Variants in SHISA9 observed in about 807,000 individuals in gnomAD.
The protein encoded by SHISA9 is shisa family member 9.
In SHISA9, 13 loss-of-function variants were observed where a neutral mutation model predicts 38.0. That is an observed-to-expected ratio of 0.34 (90% CI 0.22 to 0.54). SHISA9 has a LOEUF of 0.54. SHISA9 is among the 20% of genes least tolerant of loss of function. The pLI is 0.91. For missense variants in SHISA9, 538 were observed against 575.8 expected (o/e 0.93, Z 0.67); for synonymous variants, 275 against 242.0 (o/e 1.14, Z -1.27).
the SHISA9 span, among the ~76,000 whole-genome samples, chr16:13,334,805 A>C: frequency 1.5e-4 from 23 of 151,620 alleles, no homozygotes; most frequent in African/African-American, 5.3e-4. Context: ...TAAATGAACT[A>C]ATATAAATTC....
chr16:12,912,841 C>G (rs2071204187), intron 1 of SHISA9, among the ~76,000 whole-genome samples: 1 of 152,164 alleles, frequency 6.6e-6, no homozygotes, highest in African/African-American at 2.4e-5. Flanking sequence ...CTCGTTGGCC[C>G]TCTTCCAGTT....
chr16:13,305,601 A>G, the SHISA9 span, among the ~76,000 whole-genome samples: 192 of 152,282 alleles, frequency 1.3e-3, no homozygotes, highest in African/African-American at 4.0e-3. Context: ...TAAGGAACTG[A>G]TGATTCCAGC....
chr16:13,478,290 G>A, the SHISA9 span, among the ~76,000 whole-genome samples: 5 of 143,252 alleles, frequency 3.5e-5, no homozygotes, highest in South Asian at 2.2e-4. Context: ...TCACCTCTTA[G>A]TGCTGAGAGT....
intron 2 of SHISA9, among the ~76,000 whole-genome samples, chr16:13,088,561 A>G (rs2073739276): frequency 6.6e-6 from 1 of 152,072 alleles, no homozygotes; most frequent in South Asian, 2.1e-4. Context: ...TAGGTATTTT[A>G]TTCTCTTTGT....
intron 1 of SHISA9, among the ~76,000 whole-genome samples, chr16:12,914,204 C>G (rs1380231329): frequency 1.3e-5 from 2 of 151,782 alleles, no homozygotes; most frequent in African/African-American, 4.8e-5. Context: ...CTCCACCACG[C>G]CCGGCTAATT....
chr16:13,115,901 C>A (rs1330276474), intron 2 of SHISA9, among the ~76,000 whole-genome samples: 1 of 152,190 alleles, frequency 6.6e-6, no homozygotes, highest in Non-Finnish European at 1.5e-5. Context: ...AATACCTTCC[C>A]TTCTGATGAC....
chr16:13,160,295 T>C (rs565688179), intron 2 of SHISA9, among the ~76,000 whole-genome samples: 14 of 152,280 alleles, frequency 9.2e-5, no homozygotes, highest in Admixed American at 8.5e-4. Context: ...GCTTAGTTAA[T>C]AGTGCTTGAT....
the SHISA9 span, among the ~76,000 whole-genome samples, chr16:13,308,516 G>A: frequency 6.6e-6 from 1 of 152,148 alleles, no homozygotes; most frequent in African/African-American, 2.4e-5. Context: ...ATGAGCATGG[G>A]TCTCAGACAA....
chr16:12,943,326 TGTGTGAGAGAGAGAGAGAGAGAGA>T (rs2071644553), intron 2 of SHISA9, among the ~76,000 whole-genome samples: 3 of 19,976 alleles, frequency 1.5e-4, no homozygotes, highest in African/African-American at 4.0e-4. Context: ...TGTGTGTGTG[TGTGTGAGAGAGAGAGAGAGAGAGA>T]GAGAGAGAGA....
intron 2 of SHISA9, among the ~76,000 whole-genome samples, chr16:13,083,681 G>T (rs967734681): frequency 1.1e-4 from 16 of 152,160 alleles, no homozygotes; most frequent in Admixed American, 3.3e-4. Context: ...ACTATGGGCT[G>T]CTTGTGTTTG....
At chr16:13,181,150 T>C (rs1222979142) in intron 2 of SHISA9, among the ~76,000 whole-genome samples, 1 of 151,402 alleles carries the variant, frequency 6.6e-6, no homozygotes, top group Non-Finnish European at 1.5e-5. Flanking sequence ...ATGGGTTTTA[T>C]TGTTACCATT....
chr16:13,381,999 T>C, the SHISA9 span, among the ~76,000 whole-genome samples: 1 of 152,232 alleles, frequency 6.6e-6, no homozygotes, highest in South Asian at 2.1e-4. Flanking sequence ...ATATGAATTA[T>C]ACTTAAAATG....
At chr16:13,156,399 C>CGATAGG (rs2050547259) in intron 2 of SHISA9, among the ~76,000 whole-genome samples, 1 of 152,168 alleles carries the variant, frequency 6.6e-6, no homozygotes, top group Non-Finnish European at 1.5e-5. Flanking sequence ...GCACACAATC[C>CGATAGG]TGCCAACACT....
At chr16:13,113,363 A>G (rs540140795) in intron 2 of SHISA9, among the ~76,000 whole-genome samples, 5 of 152,274 alleles carry the variant, frequency 3.3e-5, no homozygotes, top group Non-Finnish European at 7.4e-5. Flanking sequence ...CTCTTTGGTA[A>G]GAGGGCTGTC....
chr16:13,215,708 C>A (rs565417922), intron 4 of SHISA9, among the ~76,000 whole-genome samples: 304 of 152,236 alleles, frequency 2.0e-3, no homozygotes, highest in Admixed American at 3.4e-3. Context: ...GCTAAAGGCA[C>A]CTTTATCCTG....
the SHISA9 span, among the ~76,000 whole-genome samples, chr16:13,363,317 G>A: frequency 6.6e-6 from 1 of 152,350 alleles, no homozygotes; most frequent in South Asian, 2.1e-4. Context: ...TTTTCTTGAG[G>A]AAGAACTAAG....
At chr16:12,951,098 G>T (rs1328898040) in intron 2 of SHISA9, among the ~76,000 whole-genome samples, 1 of 150,668 alleles carries the variant, frequency 6.6e-6, no homozygotes, top group Non-Finnish European at 1.5e-5. Flanking sequence ...GCAGGCACCT[G>T]TAATCCCAGC....
chr16:13,500,454 C>G, the SHISA9 span, among the ~76,000 whole-genome samples: 1 of 152,064 alleles, frequency 6.6e-6, no homozygotes. Context: ...GAAGAACCAG[C>G]GTAAAGTTTC....
At chr16:12,914,938 C>T (rs73514728) in intron 1 of SHISA9, among the ~76,000 whole-genome samples, 1 of 152,320 alleles carries the variant, frequency 6.6e-6, no homozygotes, top group African/African-American at 2.4e-5. Context: ...GTTTGAGAAT[C>T]GCTGCTGTAG....
Sources: allele counts gnomAD v4.1 joint callset (sites outside exome capture counted in the v4.1 genomes callset), GRCh38; gene constraint gnomAD v4.1.1; transcripts MANE v1.5; gene names NCBI Gene and HGNC (gene_info 2026-07-23, HGNC 2026-07-21).